Variants in PCDHGB2 observed in about 807,000 individuals in gnomAD.
PCDHGB2 encodes protocadherin gamma-B2.
PCDHGB2 carries 55 observed loss-of-function variants against 59.3 expected under a neutral mutation model. That is an observed-to-expected ratio of 0.93 (90% CI 0.75 to 1.16). The LOEUF is 1.16. PCDHGB2 is among the 50% of genes most tolerant of loss of function. The pLI is 0.00. For synonymous variants in PCDHGB2, 516 were observed against 512.0 expected (o/e 1.01, Z -0.11); for missense variants, 1,228 against 1,198.5 (o/e 1.02, Z -0.36).
intron 1 of PCDHGB2, chr5:141,366,543 C>A: frequency 6.2e-7 from 1 of 1,614,244 alleles, no homozygotes; most frequent in Non-Finnish European, 8.5e-7. Context: ...GTGCCCGCCT[C>A]GCACTTTGTG....
At chr5:141,414,239 C>T in intron 1 of PCDHGB2, 1 of 1,613,498 alleles carries the variant, frequency 6.2e-7, no homozygotes, top group Non-Finnish European at 8.5e-7. Context: ...ACCATCACGT[C>T]TCTATTTAGT....
chr5:141,364,754 G>C, intron 1 of PCDHGB2: 1 of 1,613,988 alleles, frequency 6.2e-7, no homozygotes, highest in Non-Finnish European at 8.5e-7. Flanking sequence ...AAAAGTAAAA[G>C]TTAATGAAAA....
intron 1 of PCDHGB2, chr5:141,416,744 A>G (rs1480936949): frequency 2.0e-5 from 3 of 152,210 alleles, no homozygotes; most frequent in Non-Finnish European, 4.4e-5. Context: ...GAAAATAGTG[A>G]CGTATTAGGT....
chr5:141,472,994 AAAAG>A (rs1425445230), intron 1 of PCDHGB2, among the ~76,000 whole-genome samples: 7 of 151,692 alleles, frequency 4.6e-5, no homozygotes, highest in African/African-American at 1.7e-4. Context: ...AAAAAAAAAA[AAAAG>A]AAAGAAAAAG....
chr5:141,388,941 C>T (rs191165529), intron 1 of PCDHGB2: 9 of 1,613,962 alleles, frequency 5.6e-6, no homozygotes, highest in Admixed American at 5.0e-5. Context: ...TCTACCCAAC[C>T]TAATTATGGA....
intron 1 of PCDHGB2, chr5:141,428,826 A>G (rs190740602): frequency 1.3e-5 from 2 of 149,304 alleles, no homozygotes; most frequent in South Asian, 2.1e-4. Context: ...GCTTTCATGT[A>G]TTTTTGAAAC....
chr5:141,466,014 C>T (rs962233749), intron 1 of PCDHGB2, among the ~76,000 whole-genome samples: 75 of 151,848 alleles, frequency 4.9e-4, no homozygotes, highest in African/African-American at 1.2e-3. Flanking sequence ...CCCAGCTACT[C>T]GGGAGGGTGA....
chr5:141,469,711 T>C (rs894622720), intron 1 of PCDHGB2, among the ~76,000 whole-genome samples: 13 of 152,372 alleles, frequency 8.5e-5, no homozygotes, highest in African/African-American at 2.4e-4. Flanking sequence ...AATCACACTA[T>C]TAGGAATTTA....
chr5:141,381,826 C>CTTTTTTTTTTTTTTTTTTT (rs770630741), intron 1 of PCDHGB2, among the ~76,000 whole-genome samples: 6 of 74,282 alleles, frequency 8.1e-5, no homozygotes, highest in Non-Finnish European at 9.4e-5. Context: ...CTTTCTTCTT[C>CTTTTTTTTTTTTTTTTTTT]TTTTTTTTTT....
intron 1 of PCDHGB2, chr5:141,405,413 T>C: frequency 6.4e-7 from 1 of 1,561,606 alleles, no homozygotes; most frequent in South Asian, 1.2e-5. Context: ...TTTTCTTTTT[T>C]TGTTTTTTGT....
At chr5:141,410,005 C>T (rs1009148964) in intron 1 of PCDHGB2, 16 of 1,613,172 alleles carry the variant, frequency 9.9e-6, no homozygotes, top group Non-Finnish European at 1.3e-5. Context: ...CGGGACACAA[C>T]GCCTGGCTGT....
intron 1 of PCDHGB2, chr5:141,385,530 A>T (rs1020257746): frequency 2.5e-4 from 336 of 1,356,078 alleles, no homozygotes; most frequent in Non-Finnish European, 2.9e-4. Flanking sequence ...GGACAAGATT[A>T]TGAATATGTG....
At chr5:141,415,392 G>T in intron 1 of PCDHGB2, 1 of 1,614,238 alleles carries the variant, frequency 6.2e-7, no homozygotes, top group Non-Finnish European at 8.5e-7. Context: ...TGACAGGTGT[G>T]TCCGGCTCGC....
chr5:141,376,060 G>T lies in PCDHGB2; in HGVS notation c.2421+13504G>T, dbSNP rs375877156. Reference sequence around the variant, plus strand: ...AGCCCCCTCTCTCCGCCACTGTCACGCTCACCGTGGCCGTGGCCGACAGGA... The same window carrying T: ...AGCCCCCTCTCTCCGCCACTGTCACTCTCACCGTGGCCGTGGCCGACAGGA... On this transcript the variant is annotated intron_variant, in intron 1 of 3. Transcript: ENST00000522605. 3.7e-5 allele frequency: 60 copies of T among 1,613,348 alleles called. No homozygotes were observed. The African/African-American group carries it at 7.5e-4, about 20-fold the overall frequency.
In PCDHGB2 at chr5:141,404,211, T is replaced by C. The variant is rs1423741415; in HGVS notation, c.2421+41655T>C. ...CGAGAAAAAGCCTCAGAATATAATATCACGGTGACTGCAACAGACAGAGGA... is the reference window on the plus strand; with the variant it reads ...CGAGAAAAAGCCTCAGAATATAATACCACGGTGACTGCAACAGACAGAGGA... On this transcript the variant is annotated intron_variant, in intron 1 of 3. Coordinates refer to ENST00000522605, the MANE Select transcript of PCDHGB2 (RefSeq NM_018923.3). 3 of 1,613,606 alleles carry C rather than the reference T, an allele frequency of 1.9e-6. No homozygotes were observed. The Admixed American group carries it at 5.0e-5, about 27-fold the overall frequency.
intron 1 of PCDHGB2, among the ~76,000 whole-genome samples, chr5:141,472,026 G>C (rs2099269805): frequency 6.6e-6 from 1 of 152,108 alleles, no homozygotes; most frequent in Non-Finnish European, 1.5e-5. Context: ...ATTGTATGTA[G>C]AAAGCTGTGA....
rs868008554 is a variant in PCDHGB2, at chr5:141,431,417, C to T, written c.2422-63390C>T. 1 of 1,613,666 alleles carries T rather than the reference C, an allele frequency of 6.2e-7. No homozygotes were observed. Among genetic ancestry groups the T allele is most frequent in the South Asian group, 1.1e-5 (1 of 91,082 alleles). ...CCTTACGGCCTCCGACGGGGGCGAC[C>T]CGGTGCGCACAGGCACCGCGCGCAT... On this transcript the variant is annotated intron_variant, in intron 1 of 3. Transcript: ENST00000522605. This position sits in a 1 kb window ranked among gnomAD's most constrained non-coding sequence, Gnocchi z 4.8.
intron 1 of PCDHGB2, chr5:141,428,120 C>T (rs756805763): frequency 3.7e-6 from 6 of 1,606,528 alleles, no homozygotes; most frequent in East Asian, 4.5e-5. Flanking sequence ...CCATCGAGCC[C>T]GGGCTTTTCA....
At chr5:141,453,852 T>A (rs905734700) in intron 1 of PCDHGB2, among the ~76,000 whole-genome samples, 5 of 152,164 alleles carry the variant, frequency 3.3e-5, no homozygotes, top group African/African-American at 1.2e-4. Context: ...ACAGAGCACT[T>A]TGAAAATAAC....
Sources: allele counts gnomAD v4.1 joint callset (sites outside exome capture counted in the v4.1 genomes callset), GRCh38; gene constraint gnomAD v4.1.1; non-coding constraint Gnocchi (gnomAD v3.1); transcripts MANE v1.5; gene names NCBI Gene and HGNC (gene_info 2026-07-23, HGNC 2026-07-21).